Variants in SLC2A9 observed in about 807,000 individuals in gnomAD.
SLC2A9 encodes solute carrier family 2, facilitated glucose transporter member 9.
Under a neutral mutation model 50.6 loss-of-function variants are expected in SLC2A9, and 39 were observed. The ratio of observed to expected loss-of-function variants is 0.77; its 90% CI spans 0.60 to 1.01. The LOEUF (loss-of-function observed/expected upper bound fraction) is 1.01, where lower values mean the gene tolerates loss of function less well. Ranked by LOEUF, SLC2A9 falls within the 50% of genes least tolerant of loss-of-function variation. The pLI, the probability that SLC2A9 is intolerant of heterozygous loss-of-function variation, is 0.00. For synonymous variants in SLC2A9, 324 were observed against 276.9 expected, an observed-to-expected ratio of 1.17 and a Z score of -1.69; for missense variants, 686 against 677.6, an observed-to-expected ratio of 1.01 and a Z score of -0.14.
chr4:9,820,523 T>G (rs1001550428), intron 3 of SLC2A9, among the ~76,000 whole-genome samples: 1 of 152,240 alleles, frequency 6.6e-6, no homozygotes, highest in African/African-American at 2.4e-5. Flanking sequence ...TATAGATAAA[T>G]GGAAGAAGAT....
intron 3 of SLC2A9, among the ~76,000 whole-genome samples, chr4:9,991,082 C>A (rs1757634567): frequency 6.6e-6 from 1 of 152,166 alleles, no homozygotes; most frequent in South Asian, 2.1e-4. Flanking sequence ...TGGATGCAGC[C>A]CCCTTACTTC....
At chr4:9,972,419 T>C (rs6449202) in intron 5 of SLC2A9, among the ~76,000 whole-genome samples, 75,711 of 152,126 alleles carry the variant, frequency 0.5, 20,651 homozygotes, top group African/African-American at 0.72. Flanking sequence ...TGTTCAGCCA[T>C]GACAATTGTT....
At chr4:9,911,046 G>A (rs1408603622) in intron 7 of SLC2A9, among the ~76,000 whole-genome samples, 1 of 152,076 alleles carries the variant, frequency 6.6e-6, no homozygotes, top group Non-Finnish European at 1.5e-5. Context: ...AATATCCAAT[G>A]CAGATGACAG....
intron 7 of SLC2A9, among the ~76,000 whole-genome samples, chr4:9,910,063 A>C (rs1392670396): frequency 6.6e-6 from 1 of 152,258 alleles, no homozygotes; most frequent in African/African-American, 2.4e-5. Context: ...TTTGTGAAGA[A>C]AGTAAACCTC....
At chr4:9,778,933 A>G (rs1484956576), downstream of SLC2A9, among the ~76,000 whole-genome samples, 2 of 151,530 alleles carry the variant, frequency 1.3e-5, no homozygotes, top group African/African-American at 4.9e-5. Flanking sequence ...ATGCCTAGGT[A>G]AGTTTTGTAT....
intron 3 of SLC2A9, chr4:9,782,500 C>T (rs1240551686): frequency 1.2e-6 from 2 of 1,614,028 alleles, no homozygotes; most frequent in African/African-American, 1.3e-5. Context: ...AGCGCATGGC[C>T]TTGGTCATGG....
intron 2 of SLC2A9, among the ~76,000 whole-genome samples, chr4:10,012,696 G>A (rs1280699370): frequency 6.6e-6 from 1 of 152,174 alleles, no homozygotes; most frequent in African/African-American, 2.4e-5. Flanking sequence ...AAAATCAAGG[G>A]AAGAGCACTG....
intron 8 of SLC2A9, among the ~76,000 whole-genome samples, chr4:9,891,916 C>T (rs1261167317): frequency 6.6e-6 from 1 of 151,842 alleles, no homozygotes; most frequent in African/African-American, 2.4e-5. Context: ...GCACACATGG[C>T]TCCTGCCTGC....
intron 7 of SLC2A9, among the ~76,000 whole-genome samples, chr4:9,909,819 A>G (rs1050741641): frequency 1.3e-5 from 2 of 152,246 alleles, no homozygotes; most frequent in Admixed American, 6.5e-5. Flanking sequence ...GCATTAAAGG[A>G]CCTTATGAAC....
intron 2 of SLC2A9, among the ~76,000 whole-genome samples, chr4:10,015,947 C>T (rs1404534423): frequency 6.6e-6 from 1 of 152,200 alleles, no homozygotes; most frequent in Non-Finnish European, 1.5e-5. Flanking sequence ...GCAGAGAGCA[C>T]ATGCTGGGAA....
At chr4:9,797,567 G>A (rs1234477089), downstream of SLC2A9, among the ~76,000 whole-genome samples, 5 of 152,210 alleles carry the variant, frequency 3.3e-5, no homozygotes, top group African/African-American at 1.2e-4. Context: ...GACTTTCATA[G>A]CTGGGCTACT....
At chr4:9,816,565 A>G (rs1357365499) in intron 3 of SLC2A9, among the ~76,000 whole-genome samples, 1 of 152,200 alleles carries the variant, frequency 6.6e-6, no homozygotes, top group Non-Finnish European at 1.5e-5. Context: ...AAAATGGTAA[A>G]TACATGAGGT....
At chr4:9,869,136 C>T (rs999887378) in intron 10 of SLC2A9, among the ~76,000 whole-genome samples, 15 of 152,258 alleles carry the variant, frequency 9.9e-5, no homozygotes, top group Admixed American at 5.9e-4. Flanking sequence ...CACACTAATC[C>T]GTAAGACAGA....
intron 3 of SLC2A9, chr4:9,783,742 T>A (rs1322793353): frequency 2.1e-5 from 7 of 325,852 alleles, no homozygotes; most frequent in South Asian, 8.6e-5. Context: ...AAAAAAAAAA[T>A]GATACTTGGT....
intron 8 of SLC2A9, among the ~76,000 whole-genome samples, chr4:9,894,403 T>A (rs775474179): frequency 2.0e-4 from 31 of 152,218 alleles, no homozygotes; most frequent in Admixed American, 2.6e-4. Flanking sequence ...GAAAAATATA[T>A]GCAGAAATAG....
At chr4:9,783,170 C>T (rs770204780) in intron 3 of SLC2A9, 4 of 1,614,224 alleles carry the variant, frequency 2.5e-6, no homozygotes, top group South Asian at 1.1e-5. Context: ...CTTCTGCTCC[C>T]GCACGCCGGT....
At chr4:9,955,942 A>G (rs1379673984) in intron 5 of SLC2A9, among the ~76,000 whole-genome samples, 1 of 134,208 alleles carries the variant, frequency 7.5e-6, no homozygotes, top group African/African-American at 2.9e-5. Flanking sequence ...TAGTGGTGCA[A>G]ACTTGGCTCA....
chr4:9,802,996 C>T (rs923753852), intron 3 of SLC2A9, among the ~76,000 whole-genome samples: 11 of 152,212 alleles, frequency 7.2e-5, no homozygotes, highest in African/African-American at 2.7e-4. Context: ...GAATTCACTT[C>T]ACACCCATTT....
intron 11 of SLC2A9, among the ~76,000 whole-genome samples, chr4:9,829,432 G>A (rs185961732): frequency 3.4e-5 from 5 of 148,786 alleles, no homozygotes; most frequent in African/African-American, 7.5e-5. Context: ...AATACCATTC[G>A]GGACATAGTC....
Sources: gnomAD v4.1 joint callset for allele counts (sites outside exome capture counted in the v4.1 genomes callset) on GRCh38, gnomAD v4.1.1 for gene constraint, MANE v1.5 for transcripts, NCBI Gene and HGNC (gene_info 2026-07-23, HGNC 2026-07-21) for gene names.